Variants in TSPAN1 observed in about 807,000 individuals in gnomAD.
TSPAN1 encodes tetraspanin 1, also known as tetraspanin-1.
Under a neutral mutation model 26.9 loss-of-function variants are expected in TSPAN1, and 23 were observed. That is an observed-to-expected ratio of 0.85 (90% CI 0.62 to 1.21). TSPAN1 has a LOEUF of 1.21. Ranked by LOEUF, TSPAN1 falls within the 50% of genes most tolerant of loss-of-function variation. The pLI is 0.00. For synonymous variants in TSPAN1, 115 were observed against 114.8 expected (o/e 1.00, Z -0.01); for missense variants, 283 against 298.4 (o/e 0.95, Z 0.38).
the TSPAN1 span, chr1:46,192,077 T>G: frequency 1.2e-6 from 2 of 1,609,860 alleles, no homozygotes. Flanking sequence ...CACTGTGCCC[T>G]GCTCCCTGCC....
At position 46,181,204 on chromosome 1, in the gene TSPAN1, G is replaced by A. The variant is rs756822664; in HGVS notation, c.57+40G>A. 7.5e-6 allele frequency: 12 copies of A among 1,591,542 alleles called. No homozygotes were observed. In the African/African-American group the frequency reaches 1.5e-4, roughly 20 times the overall value. The stretch of plus-strand genomic sequence containing the variant: ...TGTGGACTCTTTGGGGCTCCCTATA[G>A]GAGCAGGTCACAAGCTGAGTAGAGA... On this transcript the variant is annotated intron_variant, in intron 3 of 8. Transcript: ENST00000372003.
the TSPAN1 span, chr1:46,194,843 C>G: frequency 5.6e-6 from 9 of 1,614,156 alleles, no homozygotes; most frequent in Non-Finnish European, 7.6e-6. Flanking sequence ...GATGCCGGCA[C>G]CTCCTTTTCG....
chr1:46,190,926 T>C, downstream of TSPAN1: 1 of 789,044 alleles, frequency 1.3e-6, no homozygotes, highest in Non-Finnish European at 2.2e-6. Context: ...GTCTTCTCCA[T>C]CCTCTTTGCA....
chr1:46,178,687 T>C (rs1657243659), intron 1 of TSPAN1, among the ~76,000 whole-genome samples: 1 of 152,200 alleles, frequency 6.6e-6, no homozygotes, highest in Non-Finnish European at 1.5e-5. Flanking sequence ...AAGCCAGCCT[T>C]GTCTGCCTCT....
chr1:46,185,208 C>A lies in TSPAN1; in HGVS notation c.595-17C>A, dbSNP rs773431549. The A allele has an allele frequency of 3.7e-6, 6 of 1,614,154 alleles. No individual in the cohort carries two copies. Among genetic ancestry groups the A allele is most frequent in the Non-Finnish European group, 5.1e-6 (6 of 1,180,032 alleles). On this transcript the variant is annotated splice_polypyrimidine_tract_variant and intron_variant, in intron 7 of 8. Transcript: ENST00000372003. ...AGGGCAGCTGCCAACTATAAATGCTCTTTTCTCTTCCTGAAGGGTTGCTTC... is the reference window on the plus strand; with the variant it reads ...AGGGCAGCTGCCAACTATAAATGCTATTTTCTCTTCCTGAAGGGTTGCTTC...
At chr1:46,175,877 T>G (rs1202675793) in intron 1 of TSPAN1, 13 of 405,796 alleles carry the variant, frequency 3.2e-5, no homozygotes, top group African/African-American at 2.1e-4. Context: ...CTCTGGTTTT[T>G]TTTTTTTTTT....
the TSPAN1 span, chr1:46,193,832 G>A: frequency 9.2e-5 from 149 of 1,613,464 alleles, no homozygotes; most frequent in East Asian, 1.3e-4. Context: ...TCAGTGCTGG[G>A]TATAGCCCAT....
rs751307659 is a variant in TSPAN1, at chr1:46,185,492, GCCATGATTGTGT to G, written c.691_702del (p.Ile231_Met234del). ...CCTGTTCCTCCCTCTCCAGCTGGCT[GCCATGATTGTGT>G]CCATGTATCTGTACTGCAATCTACA... On this transcript the variant is annotated inframe_deletion, in exon 9 of 9. Coordinates refer to ENST00000372003, the MANE Select transcript of TSPAN1 (RefSeq NM_005727.4). The G allele has an allele frequency of 1.2e-6, 2 of 1,614,080 alleles. No homozygotes were observed. The highest frequency in any genetic ancestry group is 1.7e-6 in the Non-Finnish European group (2 of 1,180,040).
At chr1:46,193,797 G>A in the TSPAN1 span, 10 of 1,608,874 alleles carry the variant, frequency 6.2e-6, no homozygotes, top group Non-Finnish European at 8.5e-6. Flanking sequence ...CCTCCTGGAG[G>A]TAGATGACCT....
chr1:46,193,897 G>A, the TSPAN1 span: 9 of 1,614,182 alleles, frequency 5.6e-6, no homozygotes, highest in South Asian at 9.9e-5. Flanking sequence ...GACAGCCACA[G>A]GCACATTGAG....
chr1:46,184,578 C>G lies in TSPAN1; in HGVS notation c.265-16C>G. 1 of 1,614,038 alleles carries G rather than the reference C, an allele frequency of 6.2e-7. No homozygotes were observed. Among genetic ancestry groups the G allele is most frequent in the Non-Finnish European group, 8.5e-7 (1 of 1,179,976 alleles). ...ACTGTCTCTCCCTAAAACCCAGACC[C>G]CTGTTCCCCACTCAGTTCTTCTTCA... On this transcript the variant is annotated splice_polypyrimidine_tract_variant and intron_variant, in intron 4 of 8. Coordinates refer to ENST00000372003, the MANE Select transcript of TSPAN1 (RefSeq NM_005727.4).
chr1:46,184,548 G>A, intron 4 of TSPAN1, 46 bp from the exon 5 acceptor site: 4 of 1,603,498 alleles, frequency 2.5e-6, no homozygotes, highest in African/African-American at 1.3e-5. Context: ...AGGAGGGCAT[G>A]AGGGACTGTC....
chr1:46,181,726 A>G (rs1657319885), intron 3 of TSPAN1, among the ~76,000 whole-genome samples: 1 of 152,244 alleles, frequency 6.6e-6, no homozygotes, highest in African/African-American at 2.4e-5. Context: ...TAAGCCAGAT[A>G]GGCAGATAAT....
At chr1:46,189,500 T>G, downstream of TSPAN1, 2 of 1,613,748 alleles carry the variant, frequency 1.2e-6, no homozygotes, top group Non-Finnish European at 1.7e-6. Flanking sequence ...GAAGTGGTTC[T>G]TCTTCCGAAA....
chr1:46,193,250 T>C, the TSPAN1 span: 4 of 1,613,944 alleles, frequency 2.5e-6, no homozygotes, highest in African/African-American at 1.3e-5. Context: ...ACATGAGCTT[T>C]AGGGTAGAAG....
downstream of TSPAN1, chr1:46,189,505 C>CCGAAACAAT: frequency 6.2e-7 from 1 of 1,613,662 alleles, no homozygotes; most frequent in Non-Finnish European, 8.5e-7. Flanking sequence ...GGTTCTTCTT[C>CCGAAACAAT]CGAAACAATC....
At chr1:46,193,972 C>G in the TSPAN1 span, 3 of 1,608,942 alleles carry the variant, frequency 1.9e-6, no homozygotes, top group Non-Finnish European at 2.5e-6. Context: ...CCCCTTCAAA[C>G]TGGGATCCCC....
chr1:46,185,080 T>G lies in TSPAN1; in HGVS notation c.559T>G (p.Cys187Gly). ...DNVTNTANET[C>G]TKQKAHDQKV... ...CGTCACCAACACAGCCAATGAAACC[T>G]GCACCAAGCAAAAGGCTCACGACCA... is the stretch of plus-strand genomic sequence containing the variant. Residue 187 changes from cysteine (C) to glycine (G), a missense_variant, in exon 7 of 9, where the codon TGC (cysteine) becomes GGC (glycine). By Grantham distance (159) the Cys-to-Gly change is radical. Coordinates refer to ENST00000372003, the MANE Select transcript of TSPAN1 (RefSeq NM_005727.4). 6.2e-7 allele frequency: 1 copy of G among 1,614,126 alleles called. No individual in the cohort carries two copies. Among genetic ancestry groups the G allele is most frequent in the East Asian group, 2.2e-5 (1 of 44,888 alleles).
chr1:46,189,549 G>A (rs752229468), downstream of TSPAN1: 18 of 1,612,374 alleles, frequency 1.1e-5, 1 homozygote, highest in South Asian at 1.4e-4. Flanking sequence ...CGCACATCCA[G>A]GTCCCAGATA....
Sources: gnomAD v4.1 joint callset for allele counts (sites outside exome capture counted in the v4.1 genomes callset) on GRCh38, gnomAD v4.1.1 for gene constraint, MANE v1.5 for transcripts, NCBI Gene and HGNC (gene_info 2026-07-23, HGNC 2026-07-21) for gene names.